MDC1: variants seen among roughly 807,000 people sequenced by gnomAD.
MDC1 encodes the protein mediator of DNA damage checkpoint 1, also known as mediator of DNA damage checkpoint protein 1.
A neutral mutation model predicts 142.5 loss-of-function variants in MDC1; 81 were observed. That is an observed-to-expected ratio of 0.57 (90% CI 0.47 to 0.68). The LOEUF is 0.68. MDC1 is among the 30% of genes least tolerant of loss of function. The pLI is 0.00. For synonymous variants in MDC1, 797 were observed against 968.4 expected (o/e 0.82, Z 3.29); for missense variants, 2,119 against 2,547.9 (o/e 0.83, Z 3.62).
chr6:30,704,759 C>T lies in MDC1; in HGVS notation c.4424G>A (p.Arg1475Lys), dbSNP rs779574818. 9.6e-5 allele frequency: 155 copies of T among 1,611,594 alleles called. No individual in the cohort carries two copies. The highest frequency in any genetic ancestry group is 1.3e-4 in the Non-Finnish European group (148 of 1,179,160). ...VTPEPTSQAT[R>K]GRTDRSSVKT... is the part of the protein sequence containing the mutation. ...GACAGAGGATCTATCTGTTCTTCCC[C>T]TAGTAGCCTGAGACGTAGGCTCAGG... Residue 1475 changes from arginine to lysine, a missense_variant, in exon 10 of 15, where the codon AGG becomes AAG. Physicochemically the swap from Arg to Lys is conservative, Grantham distance 26. Transcript: ENST00000376406.
Position 30,712,162 on chromosome 6 carries a change from C to A in MDC1, c.1780G>T (p.Asp594Tyr). The change falls in exon 5 of 15, where the codon GAT (aspartate) becomes TAT (tyrosine). Residue 594 changes from aspartate (D) to tyrosine (Y), a missense_variant. By Grantham distance (160) the Asp-to-Tyr change is radical. Coordinates refer to ENST00000376406, the MANE Select transcript of MDC1 (RefSeq NM_014641.3). This position sits in a 1 kb window ranked among gnomAD's most constrained non-coding sequence, Gnocchi z 4.7. ...GCTGGAAGCTGGCTCTTTCTTACATCTGCAACTACTGAGGCTGTTAGGGAG... is the reference window on the plus strand; with the variant it reads ...GCTGGAAGCTGGCTCTTTCTTACATATGCAACTACTGAGGCTGTTAGGGAG... ...GTSLTASVVA[D>Y]VRKSQLPAEG... The A allele has an allele frequency of 6.2e-7, 1 of 1,612,764 alleles. No individual in the cohort carries two copies. The highest frequency in any genetic ancestry group is 1.1e-5 in the South Asian group (1 of 91,074).
In MDC1 at chr6:30,711,541, A is replaced by G. The variant is rs766881145; in HGVS notation, c.2129-37T>C. Reference sequence around the variant, plus strand: ...AAGATGGCCTAAGTTCATCTCCTCCATACTACTGTAGGGTTCCATTCCTGG... The same window carrying G: ...AAGATGGCCTAAGTTCATCTCCTCCGTACTACTGTAGGGTTCCATTCCTGG... On this transcript the variant is annotated intron_variant, in intron 6 of 14. Transcript: ENST00000376406. 1.9e-6 allele frequency: 3 copies of G among 1,603,692 alleles called. No homozygotes were observed. The Admixed American group carries it at 5.0e-5, about 27-fold the overall frequency.
rs760663106 is a variant in MDC1, at chr6:30,712,699, T to G, written c.1243A>C (p.Thr415Pro). 3.0e-5 allele frequency: 48 copies of G among 1,612,984 alleles called. No homozygotes were observed. Among genetic ancestry groups the G allele is most frequent in the Admixed American group, 5.0e-5 (3 of 60,006 alleles). Residue 415 changes from threonine (T) to proline (P), a missense_variant, in exon 5 of 15, where the codon ACT becomes CCT. Coordinates refer to ENST00000376406, the MANE Select transcript of MDC1 (RefSeq NM_014641.3). This position sits in a 1 kb window ranked among gnomAD's most constrained non-coding sequence, Gnocchi z 4.7. ...TGGCTCTCTTTCAGATGTGCCAAAG[T>G]CAGCGCTGCTGAGACTTCTTCCTCG... is the stretch of plus-strand genomic sequence containing the variant. ...DDEEEVSAALTLAHLKESQPA... is the reference protein window; with the variant it reads ...DDEEEVSAALPLAHLKESQPA...
rs1376881362 is a variant in MDC1 at position 30,709,963 on chromosome 6, C to A, written c.2221+1449G>T. Among the ~76,000 whole-genome samples the A allele has an allele frequency of 6.6e-6, 1 of 152,160 alleles. No homozygotes were observed. Among genetic ancestry groups the A allele is most frequent in the African/African-American group, 2.4e-5 (1 of 41,434 alleles). On this transcript the variant is annotated intron_variant, in intron 7 of 14. Transcript: ENST00000376406. This position sits in a 1 kb window ranked among gnomAD's most constrained non-coding sequence, Gnocchi z 4.2. ...GTGGCATGACCTCAGCTCACTGCAA[C>A]CTCTGCGTCTTAGGCAGCAATCCTC...
chr6:30,710,587 G>A lies in MDC1; in HGVS notation c.2221+825C>T, dbSNP rs183714138. On this transcript the variant is annotated intron_variant, in intron 7 of 14. Coordinates refer to ENST00000376406, the MANE Select transcript of MDC1 (RefSeq NM_014641.3). ...TAATTTTGTATTTTTAGTAGAGACG[G>A]GGTTTCTCCATGTTGGTCAGGCTGG... is the stretch of plus-strand genomic sequence containing the variant. 1.4e-3 allele frequency among the ~76,000 whole-genome samples: 210 copies of A among 152,118 alleles called. 3 individuals are homozygous for A. The highest frequency in any genetic ancestry group is 4.4e-3 in the African/African-American group (184 of 41,474).
Position 30,712,884 on chromosome 6 carries a change from A to T in MDC1, c.1058T>A (p.Phe353Tyr), listed in dbSNP as rs781346251. The T allele has an allele frequency of 6.2e-7, 1 of 1,613,026 alleles. No individual in the cohort carries two copies. Among genetic ancestry groups the T allele is most frequent in the Admixed American group, 1.7e-5 (1 of 60,006 alleles). The part of the protein sequence containing the change: ...VVIPMKKRKI[F>Y]HGVGTRGPGA... ...AGGACCCCTTGTACCTACTCCATGG[A>T]AGATCTTCCTCTTCTTCATAGGAAT... Residue 353 changes from phenylalanine to tyrosine, a missense_variant, in exon 5 of 15, where the codon TTC (phenylalanine) becomes TAC (tyrosine). Coordinates refer to ENST00000376406, the MANE Select transcript of MDC1 (RefSeq NM_014641.3). The surrounding 1 kb of genome is among the most constrained non-coding windows in gnomAD (Gnocchi z 4.7).
chr6:30,713,776 A>G lies in MDC1; in HGVS notation c.517+27T>C. The G allele has an allele frequency of 6.2e-7, 1 of 1,613,590 alleles. No individual in the cohort carries two copies. The highest frequency in any genetic ancestry group is 8.5e-7 in the Non-Finnish European group (1 of 1,179,606). On this transcript the variant is annotated intron_variant, in intron 3 of 14. Coordinates refer to ENST00000376406, the MANE Select transcript of MDC1 (RefSeq NM_014641.3). This position sits in a 1 kb window ranked among gnomAD's most constrained non-coding sequence, Gnocchi z 4.9. ...GTACACTCATTATTCCTGTCTCCTC[A>G]TTCTCCCTGCCAATATACAAACTTA...
chr6:30,714,956 C>T, intron 2 of MDC1, 84 bp downstream of exon 2: 1 of 1,501,772 alleles, frequency 6.7e-7, no homozygotes, highest in East Asian at 2.3e-5. Context: ...TTGAAACATA[C>T]ATAAGCTTCT....
At chr6:30,701,527 A>G (rs1772692024) in intron 14 of MDC1, among the ~76,000 whole-genome samples, 1 of 152,232 alleles carries the variant, frequency 6.6e-6, no homozygotes, top group Admixed American at 6.5e-5. Context: ...GGCAAACCCA[A>G]AATTCCAGAC....
chr6:30,704,025 A>T lies in MDC1; in HGVS notation c.5158T>A (p.Cys1720Ser), dbSNP rs1324212967. 1 of 1,614,098 alleles carries T rather than the reference A, an allele frequency of 6.2e-7. No individual in the cohort carries two copies. Among genetic ancestry groups the T allele is most frequent in the Non-Finnish European group, 8.5e-7 (1 of 1,180,054 alleles). Reference protein sequence around the residue: ...ISPEPITQPSCIKRQRAAGNP... With the variant: ...ISPEPITQPSSIKRQRAAGNP... ...CCAGCGGCTCTCTGCCTCTTGATGC[A>T]ACTGGGTTGAGTAATAGGCTCAGGG... Residue 1720 changes from cysteine (C) to serine (S), a missense_variant, in exon 10 of 15, where the codon TGC becomes AGC. By Grantham distance (112) the Cys-to-Ser change is moderately radical. Transcript: ENST00000376406.
Position 30,705,782 on chromosome 6 carries a change from G to A in MDC1, c.3401C>T (p.Ala1134Val). 2 of 1,612,270 alleles carry A rather than the reference G, an allele frequency of 1.2e-6. No homozygotes were observed. The highest frequency in any genetic ancestry group is 8.5e-7 in the Non-Finnish European group (1 of 1,179,200). The change falls in exon 10 of 15, where the codon GCC (alanine) becomes GTC (valine). Residue 1134 changes from alanine to valine, a missense_variant. By Grantham distance (64) the Ala-to-Val change is moderately conservative. Coordinates refer to ENST00000376406, the MANE Select transcript of MDC1 (RefSeq NM_014641.3). The stretch of plus-strand genomic sequence containing the variant: ...TGTGGGCTTGGGAGTGACTGGCTGG[G>A]CTGTGGAGGTGGAAGGGTGGGGCTC... Reference protein sequence around the residue: ...APEPHPSTSTAQPVTPKPTSQ... With the variant: ...APEPHPSTSTVQPVTPKPTSQ...
chr6:30,713,418 C>T lies in MDC1; in HGVS notation c.588-64G>A. ...CCCTGGAAGGGATACCCCAACTCAA[C>T]TGTGAGCTCCTTGAGGGGAGACACA... On this transcript the variant is annotated intron_variant, in intron 4 of 14. Coordinates refer to ENST00000376406, the MANE Select transcript of MDC1 (RefSeq NM_014641.3). This position sits in a 1 kb window ranked among gnomAD's most constrained non-coding sequence, Gnocchi z 4.9. 2.0e-6 allele frequency: 3 copies of T among 1,476,462 alleles called. No individual in the cohort carries two copies. The highest frequency in any genetic ancestry group is 2.7e-6 in the Non-Finnish European group (3 of 1,108,850). 91.5% of individuals were successfully genotyped at this position (1,476,462 alleles called of 1,614,324 possible).
In MDC1 at chr6:30,708,042, A is replaced by T. The variant is rs1355153828; in HGVS notation, c.2537T>A (p.Val846Glu). 6.2e-7 allele frequency: 1 copy of T among 1,612,566 alleles called. No homozygotes were observed. The highest frequency in any genetic ancestry group is 1.3e-5 in the African/African-American group (1 of 74,770). The change falls in exon 8 of 15, where the codon GTG (valine) becomes GAG (glutamate). Residue 846 changes from valine (V) to glutamate (E), a missense_variant. Physicochemically the swap from Val to Glu is moderately radical, Grantham distance 121. Transcript: ENST00000376406. ...EKLLPERQTD[V>E]TGEEELTKGK... Reference sequence around the variant, plus strand: ...CTTGGTTAATTCTTCCTCTCCTGTCACATCTGTCTGTCTTTCTGGTAGCAG... The same window carrying T: ...CTTGGTTAATTCTTCCTCTCCTGTCTCATCTGTCTGTCTTTCTGGTAGCAG...
chr6:30,714,200 T>C lies in MDC1; in HGVS notation c.137-17A>G. 1 of 1,593,938 alleles carries C rather than the reference T, an allele frequency of 6.3e-7. No homozygotes were observed. Among genetic ancestry groups the C allele is most frequent in the African/African-American group, 1.3e-5 (1 of 74,654 alleles). On this transcript the variant is annotated splice_polypyrimidine_tract_variant and intron_variant, in intron 2 of 14. Transcript: ENST00000376406. ...GTGGGAAATCTAAGAATTAGAGAGG[T>C]AGATAAGCTCCAAGATCAGAGTCCT... is the stretch of plus-strand genomic sequence containing the variant.
Position 30,716,902 on chromosome 6 carries a change from A to G in MDC1, c.-4+343T>C. On this transcript the variant is annotated intron_variant, in intron 1 of 14. Coordinates refer to ENST00000376406, the MANE Select transcript of MDC1 (RefSeq NM_014641.3). The surrounding 1 kb of genome is among the most constrained non-coding windows in gnomAD (Gnocchi z 4.4). ...TTCACCTGAAAATATGCCACTCTAG[A>G]GGGAAACTGTTGACAGGTAGGGAAA... 1 of 984,854 alleles carries G rather than the reference A, an allele frequency of 1.0e-6. No individual in the cohort carries two copies. Among genetic ancestry groups the G allele is most frequent in the Non-Finnish European group, 1.2e-6 (1 of 829,382 alleles). 61.0% of individuals were successfully genotyped at this position (984,854 alleles called of 1,614,324 possible). A position where few individuals can be genotyped will look rare whatever the true frequency, so the allele number is the denominator to read the frequency against.
chr6:30,711,867 C>A lies in MDC1; in HGVS notation c.2068+7G>T. On this transcript the variant is annotated splice_region_variant and intron_variant, in intron 5 of 14. Coordinates refer to ENST00000376406, the MANE Select transcript of MDC1 (RefSeq NM_014641.3). The stretch of plus-strand genomic sequence containing the variant: ...TCAGAGGTCTAGGAAGGAAGGCCAG[C>A]ACTTACCACCATAGTTGTCTTCAGA... The A allele has an allele frequency of 6.5e-7, 1 of 1,536,032 alleles. No individual in the cohort carries two copies. Among genetic ancestry groups the A allele is most frequent in the Non-Finnish European group, 8.8e-7 (1 of 1,141,946 alleles).
rs1010646827 is a variant in MDC1 at position 30,704,839 on chromosome 6, A to T, written c.4344T>A (p.Val1448=). 1.2e-6 allele frequency: 2 copies of T among 1,608,376 alleles called. No homozygotes were observed. The highest frequency in any genetic ancestry group is 1.7e-6 in the Non-Finnish European group (2 of 1,177,840). Residue 1448 remains valine (V), a synonymous_variant, in exon 10 of 15, where the codon GTT becomes GTA. Coordinates refer to ENST00000376406, the MANE Select transcript of MDC1 (RefSeq NM_014641.3). ...NRSSVKTPET[V]VPTAPELQPS... is the part of the protein sequence containing the mutation. The stretch of plus-strand genomic sequence containing the variant: ...GCTGGAGCTCAGGGGCTGTGGGGAC[A>T]ACTGTTTCAGGGGTCTTCACAGAGG...
At chr6:30,701,353 AC>A (rs1562070339) in intron 14 of MDC1, among the ~76,000 whole-genome samples, 1 of 152,064 alleles carries the variant, frequency 6.6e-6, no homozygotes, top group Admixed American at 6.6e-5. Context: ...GTGAGCCAAG[AC>A]TGCTCCACTG....
rs1467156129 is a variant in MDC1 at position 30,712,951 on chromosome 6, T to C, written c.991A>G (p.Thr331Ala). 6.2e-7 allele frequency: 1 copy of C among 1,613,050 alleles called. No homozygotes were observed. The highest frequency in any genetic ancestry group is 2.2e-5 in the East Asian group (1 of 44,876). The change falls in exon 5 of 15, where the codon ACT becomes GCT. Residue 331 changes from threonine to alanine, a missense_variant. By Grantham distance (58) the Thr-to-Ala change is moderately conservative (BLOSUM62 0). Transcript: ENST00000376406. This position sits in a 1 kb window ranked among gnomAD's most constrained non-coding sequence, Gnocchi z 4.7. ...AQPFGFIDSD[T>A]DAEEERIPAT... ...GGGATCCTCTCTTCTTCCGCATCAG[T>C]GTCGCTGTCGATGAAGCCAAAAGGC...
Sources: allele counts gnomAD v4.1 joint callset (sites outside exome capture counted in the v4.1 genomes callset), GRCh38; gene constraint gnomAD v4.1.1; non-coding constraint Gnocchi (gnomAD v3.1); transcripts MANE v1.5; gene names NCBI Gene and HGNC (gene_info 2026-07-23, HGNC 2026-07-21).